Variants in GALNT18 observed in about 807,000 individuals in gnomAD.
GALNT18 encodes polypeptide N-acetylgalactosaminyltransferase 18, also known as GalNAc-transferase 18.
In GALNT18, 44 loss-of-function variants were observed where a neutral mutation model predicts 69.5. The observed-to-expected ratio is 0.63, with a 90% CI of 0.50 to 0.81. The LOEUF is 0.81. Ranked by LOEUF, GALNT18 falls within the 40% of genes least tolerant of loss-of-function variation. GALNT18 has a pLI of 0.00. For synonymous variants in GALNT18, 364 were observed against 318.2 expected (o/e 1.14, Z -1.53); for missense variants, 715 against 810.0 (o/e 0.88, Z 1.42).
rs1170948591 is a variant in GALNT18, at chr11:11,592,253, A to T, written c.235+29106T>A. On this transcript the variant is annotated intron_variant, in intron 1 of 10. Transcript: ENST00000227756. This position sits in a 1 kb window ranked among gnomAD's most constrained non-coding sequence, Gnocchi z 5.9. ...GACTCTAAAGAGACAGAAAAGCTTT[A>T]ATCAATGCCCGGAAGTGAAATGCTA... Among the ~76,000 whole-genome samples, 1 of 152,204 alleles carries T rather than the reference A, an allele frequency of 6.6e-6. No homozygotes were observed. The highest frequency in any genetic ancestry group is 1.5e-5 in the Non-Finnish European group (1 of 68,032).
intron 3 of GALNT18, among the ~76,000 whole-genome samples, chr11:11,400,796 G>C (rs550933991): frequency 1.4e-4 from 21 of 151,926 alleles, no homozygotes; most frequent in African/African-American, 4.8e-4. Context: ...ATCTTGTCTC[G>C]ACTCTAATTG....
rs998085098 is a variant in GALNT18 at position 11,465,822 on chromosome 11, T to C, written c.236-16886A>G. ...GATATTTATGTAGGGTACTCAGCTA[T>C]CTCTAGGGGAGGGGCTTGCACTGTC... On this transcript the variant is annotated intron_variant, in intron 1 of 10. Coordinates refer to ENST00000227756, the MANE Select transcript of GALNT18 (RefSeq NM_198516.3). This position sits in a 1 kb window ranked among gnomAD's most constrained non-coding sequence, Gnocchi z 5.7. Among the ~76,000 whole-genome samples, 17 of 152,120 alleles carry C rather than the reference T, an allele frequency of 1.1e-4. No individual in the cohort carries two copies. The highest frequency in any genetic ancestry group is 3.4e-4 in the African/African-American group (14 of 41,418).
intron 2 of GALNT18, among the ~76,000 whole-genome samples, chr11:11,441,469 CT>C (rs2133808773): frequency 6.6e-6 from 1 of 152,244 alleles, no homozygotes; most frequent in Admixed American, 6.5e-5. Flanking sequence ...GCAGGGCAAG[CT>C]GATAAAATAG....
At chr11:11,386,294 C>T (rs1318731057) in intron 3 of GALNT18, among the ~76,000 whole-genome samples, 3 of 152,148 alleles carry the variant, frequency 2.0e-5, no homozygotes, top group Non-Finnish European at 4.4e-5. Context: ...TTCATTGATG[C>T]CCATGGTATT....
chr11:11,367,008 C>T (rs7941055), intron 6 of GALNT18, among the ~76,000 whole-genome samples: 3 of 152,212 alleles, frequency 2.0e-5, no homozygotes, highest in Non-Finnish European at 4.4e-5. Context: ...AAGCTATTCT[C>T]TAAGGCTAGC....
At chr11:11,517,722 C>T (rs745609577) in intron 1 of GALNT18, among the ~76,000 whole-genome samples, 2 of 152,110 alleles carry the variant, frequency 1.3e-5, no homozygotes, top group Non-Finnish European at 2.9e-5. Context: ...AGTGCTCAGT[C>T]CCGGTGGCCT....
At chr11:11,481,302 GAATCCC>G (rs1856524615) in intron 1 of GALNT18, among the ~76,000 whole-genome samples, 1 of 76,074 alleles carries the variant, frequency 1.3e-5, no homozygotes, top group South Asian at 4.4e-4. Flanking sequence ...CGCTGAGCAT[GAATCCC>G]TCCTCGCTGG....
intron 10 of GALNT18, among the ~76,000 whole-genome samples, chr11:11,272,392 C>G (rs74478420): frequency 0.011 from 1,647 of 152,278 alleles, 30 homozygotes; most frequent in African/African-American, 0.037. Context: ...AATGGATCTC[C>G]CTTCCAACCT....
At chr11:11,529,712 GAAGGA>G (rs1857600398) in intron 1 of GALNT18, among the ~76,000 whole-genome samples, 1 of 152,142 alleles carries the variant, frequency 6.6e-6, no homozygotes, top group Admixed American at 6.5e-5. Flanking sequence ...TTAGAGGGGA[GAAGGA>G]GAGAGAGAGA....
At chr11:11,576,112 A>G (rs1858918230) in intron 1 of GALNT18, among the ~76,000 whole-genome samples, 1 of 152,202 alleles carries the variant, frequency 6.6e-6, no homozygotes, top group Admixed American at 6.5e-5. Flanking sequence ...TTGTTTCCAG[A>G]AGGCAGAAGC....
At chr11:11,295,185 T>C (rs916241815) in intron 9 of GALNT18, among the ~76,000 whole-genome samples, 1 of 152,120 alleles carries the variant, frequency 6.6e-6, no homozygotes, top group Admixed American at 6.5e-5. Context: ...AGAAGTCTCT[T>C]TAGGCTCTTG....
At chr11:11,474,720 G>A (rs1475449524) in intron 1 of GALNT18, among the ~76,000 whole-genome samples, 1 of 152,230 alleles carries the variant, frequency 6.6e-6, no homozygotes, top group Admixed American at 6.5e-5. Flanking sequence ...GAAGGCCAAG[G>A]ATTTATTCCT....
intron 10 of GALNT18, among the ~76,000 whole-genome samples, chr11:11,281,110 C>T (rs1164096649): frequency 1.3e-5 from 2 of 152,242 alleles, no homozygotes; most frequent in Non-Finnish European, 2.9e-5. Flanking sequence ...TCTTCCCCAC[C>T]ATGCTGGGAG....
chr11:11,333,897 A>G (rs1850063592), intron 7 of GALNT18, among the ~76,000 whole-genome samples: 1 of 152,094 alleles, frequency 6.6e-6, no homozygotes, highest in South Asian at 2.1e-4. Flanking sequence ...ATGCAAAAGC[A>G]GAGGCTGCCG....
chr11:11,536,553 C>T (rs528704710), intron 1 of GALNT18, among the ~76,000 whole-genome samples: 1 of 152,196 alleles, frequency 6.6e-6, no homozygotes, highest in South Asian at 2.1e-4. Flanking sequence ...CTGATAACTT[C>T]TCCCTTCCTG....
At chr11:11,575,519 C>T (rs1171479559) in intron 1 of GALNT18, among the ~76,000 whole-genome samples, 2 of 152,238 alleles carry the variant, frequency 1.3e-5, no homozygotes, top group East Asian at 3.9e-4. Context: ...TGGGCCCAGG[C>T]CCTCCTCCCT....
chr11:11,559,703 T>G (rs753192478), intron 1 of GALNT18, among the ~76,000 whole-genome samples: 1 of 149,434 alleles, frequency 6.7e-6, no homozygotes, highest in Non-Finnish European at 1.5e-5. Flanking sequence ...TGGAATAGAA[T>G]GAGATATGAT....
At chr11:11,375,693 C>A (rs1046933809) in intron 5 of GALNT18, among the ~76,000 whole-genome samples, 1 of 152,166 alleles carries the variant, frequency 6.6e-6, no homozygotes, top group Non-Finnish European at 1.5e-5. Context: ...GAGACATGAG[C>A]GGTCAACAGG....
Position 11,595,261 on chromosome 11 carries a change from T to C in GALNT18, c.235+26098A>G, listed in dbSNP as rs1859472153. Among the ~76,000 whole-genome samples the C allele has an allele frequency of 6.6e-6, 1 of 152,118 alleles. No individual in the cohort carries two copies. The highest frequency in any genetic ancestry group is 1.5e-5 in the Non-Finnish European group (1 of 68,016). ...GGGAGGTGGATAGGTAATGAGGCCTTTGTCCTCATGAATGGAATTAGAGCC... is the reference window on the plus strand; with the variant it reads ...GGGAGGTGGATAGGTAATGAGGCCTCTGTCCTCATGAATGGAATTAGAGCC... On this transcript the variant is annotated intron_variant, in intron 1 of 10. Transcript: ENST00000227756. This position sits in a 1 kb window ranked among gnomAD's most constrained non-coding sequence, Gnocchi z 5.2.
Sources: allele counts gnomAD v4.1 joint callset (sites outside exome capture counted in the v4.1 genomes callset), GRCh38; gene constraint gnomAD v4.1.1; non-coding constraint Gnocchi (gnomAD v3.1); transcripts MANE v1.5; gene names NCBI Gene and HGNC (gene_info 2026-07-23, HGNC 2026-07-21).